CUL9: variants seen among roughly 807,000 people sequenced by gnomAD.
The protein encoded by CUL9 is cullin 9, also known as cullin-9.
A neutral mutation model predicts 272.6 loss-of-function variants in CUL9; 79 were observed. The ratio of observed to expected loss-of-function variants is 0.29; its 90% CI spans 0.24 to 0.35. The LOEUF is 0.35. CUL9 is among the 10% of genes least tolerant of loss of function. The pLI, the probability that CUL9 is intolerant of heterozygous loss-of-function variation, is 1.00. For synonymous variants in CUL9, 1,186 were observed against 1,286.5 expected (o/e 0.92, Z 1.67); for missense variants, 2,532 against 3,255.6 (o/e 0.78, Z 5.41).
At position 43,203,524 on chromosome 6, in the gene CUL9, A is replaced by G. The variant is rs1269655320; in HGVS notation, c.3957A>G (p.Thr1319=). The G allele has an allele frequency of 6.2e-7, 1 of 1,614,054 alleles. No individual in the cohort carries two copies. Among genetic ancestry groups the G allele is most frequent in the Non-Finnish European group, 8.5e-7 (1 of 1,180,002 alleles). Residue 1319 remains threonine, a synonymous_variant, in exon 19 of 41, where the codon ACA becomes ACG. Transcript: ENST00000252050. This position sits in a 1 kb window ranked among gnomAD's most constrained non-coding sequence, Gnocchi z 5.0. ...GTCGCCGAACATGTCTCTTCTACAC[A>G]ATTCGGGCACAAGCCTGGAGCCGGG... ...QLCRRTCLFY[T]IRAQAWSRDI...
chr6:43,220,291 GC>G lies in CUL9; in HGVS notation c.6283-167del, dbSNP rs1328171225. Among the ~76,000 whole-genome samples the G allele has an allele frequency of 1.3e-5, 2 of 152,152 alleles. No individual in the cohort carries two copies. Among genetic ancestry groups the G allele is most frequent in the African/African-American group, 2.4e-5 (1 of 41,422 alleles). ...TGTAATTTGGGCCAGTCTCAGCAAAGCTGGAGAGAGGAGTCAGCATTGGTTG... is the reference window on the plus strand; with the variant it reads ...TGTAATTTGGGCCAGTCTCAGCAAAGTGGAGAGAGGAGTCAGCATTGGTTG... On this transcript the variant is annotated intron_variant, in intron 31 of 40. Transcript: ENST00000252050. The surrounding 1 kb of genome is among the most constrained non-coding windows in gnomAD (Gnocchi z 4.9).
intron 16 of CUL9, among the ~76,000 whole-genome samples, chr6:43,201,722 G>C (rs1008539812): frequency 1.3e-5 from 2 of 152,294 alleles, no homozygotes; most frequent in African/African-American, 4.8e-5. Flanking sequence ...CTCGTGATCC[G>C]CCCGCCTTGG....
At position 43,224,226 on chromosome 6, in the gene CUL9, G is replaced by A; in HGVS notation, c.7359-24G>A. On this transcript the variant is annotated intron_variant, in intron 40 of 40. Coordinates refer to ENST00000252050, the MANE Select transcript of CUL9 (RefSeq NM_015089.4). This position sits in a 1 kb window ranked among gnomAD's most constrained non-coding sequence, Gnocchi z 4.2. Reference sequence around the variant, plus strand: ...AGTGGGACATGGCAGCCTCCTCTGGGCTGAGTGTGGTGGCTCTCCCTAGGC... The same window carrying A: ...AGTGGGACATGGCAGCCTCCTCTGGACTGAGTGTGGTGGCTCTCCCTAGGC... 1 of 1,614,178 alleles carries A rather than the reference G, an allele frequency of 6.2e-7. No individual in the cohort carries two copies. Among genetic ancestry groups the A allele is most frequent in the Non-Finnish European group, 8.5e-7 (1 of 1,180,008 alleles).
chr6:43,185,813 C>T (rs1582280829), intron 3 of CUL9, 142 bp from the exon 4 acceptor site: 17 of 1,245,544 alleles, frequency 1.4e-5, no homozygotes, highest in Admixed American at 2.7e-5. Flanking sequence ...CTCCCTATGC[C>T]TTTCTTACAC....
Position 43,220,362 on chromosome 6 carries a change from G to A in CUL9, c.6283-97G>A. On this transcript the variant is annotated intron_variant, in intron 31 of 40. Coordinates refer to ENST00000252050, the MANE Select transcript of CUL9 (RefSeq NM_015089.4). The surrounding 1 kb of genome is among the most constrained non-coding windows in gnomAD (Gnocchi z 4.9). ...TCTGGCCTTCCACGTTGTAGTGGAG[G>A]GGAAGGGAAGGAGGGACGCTAGCTT... The A allele has an allele frequency of 1.4e-6, 2 of 1,387,092 alleles. No homozygotes were observed. The highest frequency in any genetic ancestry group is 2.0e-6 in the Non-Finnish European group (2 of 998,314). The allele number at this position is 1,387,092 out of a possible 1,614,324, so 85.9% of individuals were successfully genotyped here. A position where few individuals can be genotyped will look rare whatever the true frequency, so the allele number is the denominator to read the frequency against.
At position 43,220,316 on chromosome 6, in the gene CUL9, T is replaced by G; in HGVS notation, c.6283-143T>G. The G allele has an allele frequency of 1.1e-6, 1 of 924,698 alleles. No individual in the cohort carries two copies. The highest frequency in any genetic ancestry group is 1.7e-6 in the Non-Finnish European group (1 of 602,698). The allele number at this position is 924,698 out of a possible 1,614,324, so 57.3% of individuals were successfully genotyped here. A position where few individuals can be genotyped will look rare whatever the true frequency, so the allele number is the denominator to read the frequency against. ...GCTGGAGAGAGGAGTCAGCATTGGT[T>G]GATCTAGAGGCAGGCTTGTTTCTGG... On this transcript the variant is annotated intron_variant, in intron 31 of 40. Coordinates refer to ENST00000252050, the MANE Select transcript of CUL9 (RefSeq NM_015089.4). The surrounding 1 kb of genome is among the most constrained non-coding windows in gnomAD (Gnocchi z 4.9).
chr6:43,187,681 G>T (rs770334839), intron 6 of CUL9, 32 bp from the exon 7 acceptor site: 1 of 1,600,916 alleles, frequency 6.2e-7, no homozygotes, highest in Non-Finnish European at 8.5e-7. Flanking sequence ...GTGTCTGCTT[G>T]TCTCTTAAAC....
chr6:43,211,009 C>G (rs1035540240), intron 26 of CUL9, among the ~76,000 whole-genome samples: 1 of 152,108 alleles, frequency 6.6e-6, no homozygotes, highest in Non-Finnish European at 1.5e-5. Context: ...TATTTTTAAC[C>G]TGCATCATTG....
intron 1 of CUL9, among the ~76,000 whole-genome samples, chr6:43,183,290 G>A (rs1772587219): frequency 6.6e-6 from 1 of 152,110 alleles, no homozygotes; most frequent in South Asian, 2.1e-4. Flanking sequence ...GGCAGGGTGG[G>A]ACCTGGTCAT....
chr6:43,196,032 G>C, intron 9 of CUL9, 37 bp from the exon 10 acceptor site: 1 of 1,572,720 alleles, frequency 6.4e-7, no homozygotes, highest in Non-Finnish European at 8.7e-7. Flanking sequence ...TGGTGACTCT[G>C]CCCCCTCCTC....
At position 43,221,751 on chromosome 6, in the gene CUL9, C is replaced by T. The variant is rs1193329436; in HGVS notation, c.6819C>T (p.His2273=). 2 of 1,613,376 alleles carry T rather than the reference C, an allele frequency of 1.2e-6. No individual in the cohort carries two copies. Among genetic ancestry groups the T allele is most frequent in the East Asian group, 4.5e-5 (2 of 44,886 alleles). Residue 2273 remains histidine, a synonymous_variant, in exon 35 of 41, where the codon CAC becomes CAT. Coordinates refer to ENST00000252050, the MANE Select transcript of CUL9 (RefSeq NM_015089.4). The surrounding 1 kb of genome is among the most constrained non-coding windows in gnomAD (Gnocchi z 4.2). ...WRCLKSWKPN[H]KDYYNCSAMV... ...GCCTCAAGTCCTGGAAGCCAAATCACAAAGACTATTACAACTGCTCTGCCA... is the reference window on the plus strand; with the variant it reads ...GCCTCAAGTCCTGGAAGCCAAATCATAAAGACTATTACAACTGCTCTGCCA...
In CUL9 at chr6:43,200,072, G is replaced by C; in HGVS notation, c.3300G>C (p.Glu1100Asp). The change falls in exon 14 of 41, where the codon GAG (glutamate) becomes GAC (aspartate). Residue 1100 changes from glutamate to aspartate, a missense_variant. Physicochemically the swap from Glu to Asp is conservative, Grantham distance 45 (BLOSUM62 2). This residue lies in a region of CUL9 where 2,218 missense variants were observed against 2,788.6 expected (regional missense o/e 0.80). Transcript: ENST00000252050. This position sits in a 1 kb window ranked among gnomAD's most constrained non-coding sequence, Gnocchi z 4.0. ...CAGCTCAGCTGCTGCTGGGCTGTGAGCTTCGGGACCTGGTGACAGAGTGTG... is the reference window on the plus strand; with the variant it reads ...CAGCTCAGCTGCTGCTGGGCTGTGACCTTCGGGACCTGGTGACAGAGTGTG... ...KHSAQLLLGCELRDLVTECEK... is the reference protein window; with the variant it reads ...KHSAQLLLGCDLRDLVTECEK... 6.2e-7 allele frequency: 1 copy of C among 1,614,230 alleles called. No homozygotes were observed. The highest frequency in any genetic ancestry group is 8.5e-7 in the Non-Finnish European group (1 of 1,180,040).
chr6:43,186,742 G>A (rs1772953620), intron 4 of CUL9, among the ~76,000 whole-genome samples: 3 of 152,096 alleles, frequency 2.0e-5, no homozygotes, highest in Admixed American at 6.5e-5. Flanking sequence ...AAGGAATGTC[G>A]AGGCAGAGAA....
At chr6:43,198,414 T>G (rs1163465320) in intron 11 of CUL9, 195 bp from the exon 12 acceptor site, 1 of 981,566 alleles carries the variant, frequency 1.0e-6, no homozygotes, top group African/African-American at 1.8e-5. Context: ...CTATACTAGG[T>G]TTTTTTTTCA....
Position 43,198,804 on chromosome 6 carries a change from G to A in CUL9, c.2999G>A (p.Arg1000Gln), listed in dbSNP as rs753408238. Residue 1000 changes from arginine to glutamine, a missense_variant, in exon 12 of 41, where the codon CGG becomes CAG. Coordinates refer to ENST00000252050, the MANE Select transcript of CUL9 (RefSeq NM_015089.4). ...QETQPFLLLL[R>Q]TLDAPGPNKT... is the part of the protein sequence containing the mutation. ...ACCCAGCCTTTCCTCCTGTTGCTGC[G>A]GACTCTGGATGCTCCGGGGCCCAAC... The A allele has an allele frequency of 2.5e-5, 41 of 1,613,714 alleles. No individual in the cohort carries two copies. The highest frequency in any genetic ancestry group is 1.1e-4 in the African/African-American group (8 of 74,920).
rs527880986 is a variant in CUL9 at position 43,206,541 on chromosome 6, C to T, written c.5212+31C>T. 1.2e-5 allele frequency: 20 copies of T among 1,605,828 alleles called. No individual in the cohort carries two copies. The Admixed American group carries it at 1.5e-4, about 12-fold the overall frequency. ...GAACTAGGGAGAGGAAATTGGAGATCGGGGTGAGATTCGGGGTGGCAAGAG... is the reference window on the plus strand; with the variant it reads ...GAACTAGGGAGAGGAAATTGGAGATTGGGGTGAGATTCGGGGTGGCAAGAG... On this transcript the variant is annotated intron_variant, in intron 26 of 40. Coordinates refer to ENST00000252050, the MANE Select transcript of CUL9 (RefSeq NM_015089.4). The surrounding 1 kb of genome is among the most constrained non-coding windows in gnomAD (Gnocchi z 4.8).
chr6:43,185,672 T>G, intron 3 of CUL9, 62 bp downstream of exon 3: 1 of 1,549,472 alleles, frequency 6.5e-7, no homozygotes, highest in Non-Finnish European at 8.7e-7. Flanking sequence ...TATGAAAACG[T>G]GGTTCAGGAC....
chr6:43,202,901 TGGGG>T, intron 17 of CUL9, 80 bp downstream of exon 17: 3 of 1,395,142 alleles, frequency 2.2e-6, no homozygotes, highest in Non-Finnish European at 3.0e-6. Context: ...ACCTAGTCCC[TGGGG>T]AATGGTGACA....
Position 43,221,656 on chromosome 6 carries a change from A to T in CUL9, c.6753-29A>T. On this transcript the variant is annotated intron_variant, in intron 34 of 40. Transcript: ENST00000252050. The surrounding 1 kb of genome is among the most constrained non-coding windows in gnomAD (Gnocchi z 4.2). ...TGGCACACCCCTGCCCAGAGGCAGG[A>T]GTCCCTGACCAGCCAGCTTCCTCCA... is the stretch of plus-strand genomic sequence containing the variant. The T allele has an allele frequency of 6.3e-7, 1 of 1,598,776 alleles. No individual in the cohort carries two copies. The highest frequency in any genetic ancestry group is 8.6e-7 in the Non-Finnish European group (1 of 1,167,694).
Sources: gnomAD v4.1 joint callset for allele counts (sites outside exome capture counted in the v4.1 genomes callset) on GRCh38, gnomAD v4.1.1 for gene constraint, gnomAD v4.1.1 regional missense constraint, Gnocchi (gnomAD v3.1) non-coding constraint, MANE v1.5 for transcripts, NCBI Gene and HGNC (gene_info 2026-07-23, HGNC 2026-07-21) for gene names.